The following KCNQ1 variants were observed in gnomAD, a reference collection of about 807,000 sequenced individuals.
KCNQ1 encodes the protein potassium voltage-gated channel subfamily KQT member 1.
A neutral mutation model predicts 72.4 loss-of-function variants in KCNQ1; 49 were observed. The ratio of observed to expected loss-of-function variants is 0.68; its 90% confidence interval spans 0.54 to 0.86. The LOEUF is 0.86. Ranked by LOEUF, KCNQ1 falls within the 40% of genes least tolerant of loss-of-function variation. The pLI is 0.00. For synonymous variants in KCNQ1, 450 were observed against 412.6 expected (o/e 1.09, Z -1.10); for missense variants, 790 against 945.1 (o/e 0.84, Z 2.15).
At chr11:2,619,160 C>T (rs968550565) in intron 10 of KCNQ1, 1 of 398,272 alleles carries the variant, frequency 2.5e-6, no homozygotes, top group Non-Finnish European at 4.4e-6. Flanking sequence ...ATTTGAATGT[C>T]TTTCATTTCT....
chr11:2,828,596 C>T lies in KCNQ1; in HGVS notation c.1795-19171C>T, dbSNP rs1433033737. Among the ~76,000 whole-genome samples the T allele has an allele frequency of 6.6e-6, 1 of 152,080 alleles. No homozygotes were observed. The highest frequency in any genetic ancestry group is 2.4e-5 in the African/African-American group (1 of 41,394). On this transcript the variant is annotated intron_variant, in intron 15 of 15. Transcript: ENST00000155840. This position sits in a 1 kb window ranked among gnomAD's most constrained non-coding sequence, Gnocchi z 5.3. ...CCCTGACAGGCAGGTCTCACCCCAG[C>T]CCATGAAGCCAGATGCTACTGATTC...
Position 2,687,374 on chromosome 11 carries a change from A to G in KCNQ1, c.1514+25293A>G. ...CCAGGTCTGCCTTGGGCTGTCACTC[A>G]GGGCTGAGCTCTGCTGAAGGATCTG... On this transcript the variant is annotated intron_variant, in intron 11 of 15. Transcript: ENST00000155840. This position sits in a 1 kb window ranked among gnomAD's most constrained non-coding sequence, Gnocchi z 5.0. 2.5e-6 allele frequency: 1 copy of G among 398,646 alleles called. No homozygotes were observed. The highest frequency in any genetic ancestry group is 4.4e-6 in the Non-Finnish European group (1 of 226,070). The allele number at this position is 398,646 out of a possible 1,614,324, so 24.7% of individuals were successfully genotyped here.
rs1847424630 is a variant in KCNQ1, at chr11:2,808,599, G to A, written c.1794+30562G>A. On this transcript the variant is annotated intron_variant, in intron 15 of 15. Coordinates refer to ENST00000155840, the MANE Select transcript of KCNQ1 (RefSeq NM_000218.3). This position sits in a 1 kb window ranked among gnomAD's most constrained non-coding sequence, Gnocchi z 6.0. ...CCTCAGGTAGGTTGGTTGATTGAGT[G>A]ATTGATTGATTGATAATCTTGGTTC... Among the ~76,000 whole-genome samples, 1 of 152,122 alleles carries A rather than the reference G, an allele frequency of 6.6e-6. No individual in the cohort carries two copies. Among genetic ancestry groups the A allele is most frequent in the African/African-American group, 2.4e-5 (1 of 41,412 alleles).
rs1164795836 is a variant in KCNQ1, at chr11:2,458,972, G to A, written c.386+13488G>A. Among the ~76,000 whole-genome samples the A allele has an allele frequency of 2.6e-5, 4 of 152,366 alleles. No homozygotes were observed. The South Asian group carries it at 6.2e-4, about 24-fold the overall frequency. On this transcript the variant is annotated intron_variant, in intron 1 of 15. Transcript: ENST00000155840. This position sits in a 1 kb window ranked among gnomAD's most constrained non-coding sequence, Gnocchi z 4.6. The stretch of plus-strand genomic sequence containing the variant: ...TTAAATTACTTCTGGTTTGCTGCAT[G>A]TTCCATTTTTGCCCATGCCGCACCT...
Position 2,816,282 on chromosome 11 carries a change from A to C in KCNQ1, c.1795-31485A>C, listed in dbSNP as rs1171715624. Among the ~76,000 whole-genome samples, 5 of 152,232 alleles carry C rather than the reference A, an allele frequency of 3.3e-5. No individual in the cohort carries two copies. The highest frequency in any genetic ancestry group is 1.2e-4 in the African/African-American group (5 of 41,454). ...GGAGACTTGAAGGGCAAGTTGGCCAAGACTAAAAAGTGGAGTCAAGCTCAG... is the reference window on the plus strand; with the variant it reads ...GGAGACTTGAAGGGCAAGTTGGCCACGACTAAAAAGTGGAGTCAAGCTCAG... On this transcript the variant is annotated intron_variant, in intron 15 of 15. Transcript: ENST00000155840. The surrounding 1 kb of genome is among the most constrained non-coding windows in gnomAD (Gnocchi z 6.8).
At chr11:2,644,605 C>T (rs1385203675) in intron 10 of KCNQ1, 1 of 398,326 alleles carries the variant, frequency 2.5e-6, no homozygotes, top group African/African-American at 2.1e-5. Context: ...TAGGAGTTGT[C>T]ATGTTTTGCC....
At chr11:2,799,225 A>G (rs163172) in intron 15 of KCNQ1, among the ~76,000 whole-genome samples, 132,270 of 152,278 alleles carry the variant, frequency 0.87, 57,527 homozygotes, top group East Asian at 1. Flanking sequence ...AGAGGCAGGC[A>G]GGGGCCGGAC....
At chr11:2,569,169 C>T (rs1848289338) in intron 2 of KCNQ1, among the ~76,000 whole-genome samples, 3 of 152,214 alleles carry the variant, frequency 2.0e-5, no homozygotes, top group Non-Finnish European at 4.4e-5. Context: ...CAGGCGTGAG[C>T]CCCCGCACCT....
In KCNQ1 at chr11:2,458,324, G is replaced by A. The variant is rs1028993688; in HGVS notation, c.386+12840G>A. ...GATTTGCATTTCTCTAAAGATCTGT[G>A]GAGGTCAATAGGGAGACCGCTCATG... On this transcript the variant is annotated intron_variant, in intron 1 of 15. Transcript: ENST00000155840. The surrounding 1 kb of genome is among the most constrained non-coding windows in gnomAD (Gnocchi z 4.6). Among the ~76,000 whole-genome samples, 7 of 152,230 alleles carry A rather than the reference G, an allele frequency of 4.6e-5. No homozygotes were observed. Among genetic ancestry groups the A allele is most frequent in the Non-Finnish European group, 1.0e-4 (7 of 68,050 alleles).
In KCNQ1 at chr11:2,547,084, T is replaced by C. The variant is rs1264124382; in HGVS notation, c.477+19066T>C. Among the ~76,000 whole-genome samples, 1 of 152,260 alleles carries C rather than the reference T, an allele frequency of 6.6e-6. No individual in the cohort carries two copies. The highest frequency in any genetic ancestry group is 2.4e-5 in the African/African-American group (1 of 41,470). On this transcript the variant is annotated intron_variant, in intron 2 of 15. Transcript: ENST00000155840. This position sits in a 1 kb window ranked among gnomAD's most constrained non-coding sequence, Gnocchi z 4.2. ...CTGAAAAGTACAGCTAATTTGCATT[T>C]ATTCATAGGACTGACATTCTTGGTC... is the stretch of plus-strand genomic sequence containing the variant.
Position 2,626,362 on chromosome 11 carries a change from G to A in KCNQ1, c.1394-35599G>A. On this transcript the variant is annotated intron_variant, in intron 10 of 15. Coordinates refer to ENST00000155840, the MANE Select transcript of KCNQ1 (RefSeq NM_000218.3). This position sits in a 1 kb window ranked among gnomAD's most constrained non-coding sequence, Gnocchi z 4.0. The stretch of plus-strand genomic sequence containing the variant: ...AACTTCAGTTATCCTGGCACCATTT[G>A]TTGAAAATACAGCACTTTCCCTATT... The A allele has an allele frequency of 2.5e-6, 1 of 398,504 alleles. No homozygotes were observed. Among genetic ancestry groups the A allele is most frequent in the South Asian group, 1.3e-4 (1 of 7,846 alleles). The allele number at this position is 398,504 out of a possible 1,614,324, so 24.7% of individuals were successfully genotyped here.
chr11:2,701,079 G>C (rs975392968), intron 11 of KCNQ1, among the ~76,000 whole-genome samples: 2 of 152,182 alleles, frequency 1.3e-5, no homozygotes, highest in Non-Finnish European at 2.9e-5. Context: ...CAGGAGGAAG[G>C]GGGAGGCTGG....
At chr11:2,714,477 C>T (rs1318870450) in intron 11 of KCNQ1, among the ~76,000 whole-genome samples, 2 of 152,214 alleles carry the variant, frequency 1.3e-5, no homozygotes, top group Admixed American at 1.3e-4. Context: ...TCTCTGCTTC[C>T]CCTGTGCACT....
At chr11:2,449,451 G>C (rs1468996850) in intron 1 of KCNQ1, among the ~76,000 whole-genome samples, 1 of 152,226 alleles carries the variant, frequency 6.6e-6, no homozygotes, top group East Asian at 1.9e-4. Flanking sequence ...CTTCCGCTGG[G>C]CCTGAAGGCC....
At chr11:2,777,607 G>A (rs1846731995) in intron 14 of KCNQ1, 2 of 430,574 alleles carry the variant, frequency 4.6e-6, no homozygotes, top group Admixed American at 6.5e-5. Flanking sequence ...GTGGGCTGGT[G>A]TAACGGAGCA....
rs185880173 is a variant in KCNQ1, at chr11:2,687,932, T to C, written c.1514+25851T>C. On this transcript the variant is annotated intron_variant, in intron 11 of 15. Coordinates refer to ENST00000155840, the MANE Select transcript of KCNQ1 (RefSeq NM_000218.3). This position sits in a 1 kb window ranked among gnomAD's most constrained non-coding sequence, Gnocchi z 5.0. ...ATCCCCAGCAGTTGTGAGGCTGCAC[T>C]TCTCCCACCCGCTGTGGGTCAGCCA... 4.9e-4 allele frequency: 194 copies of C among 398,790 alleles called. No individual in the cohort carries two copies. The East Asian group carries it at 6.3e-3, about 13-fold the overall frequency. 24.7% of individuals were successfully genotyped at this position (398,790 alleles called of 1,614,324 possible). A position where few individuals can be genotyped will look rare whatever the true frequency, so the allele number is the denominator to read the frequency against.
intron 1 of KCNQ1, among the ~76,000 whole-genome samples, chr11:2,460,483 TCCTCCCTCCCTC>T (rs527636669): frequency 6.6e-6 from 1 of 150,378 alleles, no homozygotes; most frequent in Non-Finnish European, 1.5e-5. Flanking sequence ...TCCACAGGCC[TCCTCCCTCCCTC>T]CCTCCCTCCC....
Position 2,746,141 on chromosome 11 carries a change from C to T in KCNQ1, c.1515-22703C>T, listed in dbSNP as rs1471326843. 6.6e-6 allele frequency among the ~76,000 whole-genome samples: 1 copy of T among 152,204 alleles called. No homozygotes were observed. The stretch of plus-strand genomic sequence containing the variant: ...CTGGCCTCAAGTGATCCATCCGCCT[C>T]GGCCTCCCAAAGTGCTGGGATTATA... On this transcript the variant is annotated intron_variant, in intron 11 of 15. Transcript: ENST00000155840. The surrounding 1 kb of genome is among the most constrained non-coding windows in gnomAD (Gnocchi z 5.9).
rs1228062540 is a variant in KCNQ1, at chr11:2,463,516, C to T, written c.386+18032C>T. On this transcript the variant is annotated intron_variant, in intron 1 of 15. Transcript: ENST00000155840. This position sits in a 1 kb window ranked among gnomAD's most constrained non-coding sequence, Gnocchi z 7.0. ...CTGGCTTCGGTCCCCTGGACAGGCT[C>T]CACCTCCCTCTTATCGTGGCCCCTT... 6.6e-6 allele frequency among the ~76,000 whole-genome samples: 1 copy of T among 152,094 alleles called. No individual in the cohort carries two copies. The highest frequency in any genetic ancestry group is 1.5e-5 in the Non-Finnish European group (1 of 68,000).
Sources: gnomAD v4.1 joint callset for allele counts (sites outside exome capture counted in the v4.1 genomes callset) on GRCh38, gnomAD v4.1.1 for gene constraint, Gnocchi (gnomAD v3.1) non-coding constraint, MANE v1.5 for transcripts, NCBI Gene and HGNC (gene_info 2026-07-23, HGNC 2026-07-21) for gene names.